PTPRN2: variants seen among roughly 807,000 people sequenced by gnomAD.
The protein encoded by PTPRN2 is protein tyrosine phosphatase receptor type N2.
A neutral mutation model predicts 118.8 loss-of-function variants in PTPRN2; 74 were observed. The ratio of observed to expected loss-of-function variants is 0.62; its 90% CI spans 0.52 to 0.76. The LOEUF is 0.76. Ranked by LOEUF, PTPRN2 falls within the 30% of genes least tolerant of loss-of-function variation. The probability of loss-of-function intolerance (pLI) is 0.00; values close to 1 mark genes in which losing one functional copy is unlikely to be tolerated. For synonymous variants in PTPRN2, 641 were observed against 608.0 expected, an observed-to-expected ratio of 1.05 and a Z score of -0.80; for missense variants, 1,481 against 1,394.4, an observed-to-expected ratio of 1.06 and a Z score of -0.99.
At chr7:158,294,922 T>C (rs1226542811) in intron 3 of PTPRN2, among the ~76,000 whole-genome samples, 2 of 127,904 alleles carry the variant, frequency 1.6e-5, no homozygotes, top group Non-Finnish European at 3.2e-5. Context: ...TGCGCCACTT[T>C]CCACGCGCGT....
chr7:158,449,600 A>T (rs1817965550), intron 2 of PTPRN2, among the ~76,000 whole-genome samples: 1 of 152,256 alleles, frequency 6.6e-6, no homozygotes, highest in Non-Finnish European at 1.5e-5. Flanking sequence ...AACAGGCAGA[A>T]GTGAACCCGT....
At chr7:158,244,245 G>GTAGGAA (rs1204708627) in intron 3 of PTPRN2, among the ~76,000 whole-genome samples, 2 of 47,690 alleles carry the variant, frequency 4.2e-5, no homozygotes, top group African/African-American at 1.1e-4. Flanking sequence ...ACTCAGAAGT[G>GTAGGAA]CAGGAAACTG....
At chr7:157,994,704 G>A (rs576963677) in intron 11 of PTPRN2, among the ~76,000 whole-genome samples, 24 of 105,990 alleles carry the variant, frequency 2.3e-4, no homozygotes, top group Middle Eastern at 6.1e-3. Flanking sequence ...ACAGCTCCTT[G>A]TTCCTAAAAT....
chr7:157,812,947 A>G (rs560837407), intron 12 of PTPRN2, among the ~76,000 whole-genome samples: 2 of 152,116 alleles, frequency 1.3e-5, no homozygotes, highest in Non-Finnish European at 2.9e-5. Flanking sequence ...AGAAGTCCCT[A>G]AGCCAAGTCC....
chr7:158,223,605 A>C (rs747259854), intron 3 of PTPRN2, among the ~76,000 whole-genome samples: 2 of 152,216 alleles, frequency 1.3e-5, no homozygotes, highest in African/African-American at 4.8e-5. Flanking sequence ...CATTTAAAAA[A>C]TTCAACACTC....
At position 158,434,811 on chromosome 7, in the gene PTPRN2, A is replaced by T. The variant is rs549056232; in HGVS notation, c.163+54924T>A. Among the ~76,000 whole-genome samples the T allele has an allele frequency of 1.4e-3, 213 of 151,824 alleles. 3 individuals carry two copies. The highest frequency in any genetic ancestry group is 4.9e-3 in the African/African-American group (201 of 41,350). On this transcript the variant is annotated intron_variant, in intron 2 of 22. Transcript: ENST00000389418. ...CTTGTTAGCTATTCTTTTTGTGGCT[A>T]TTCTAGAAATAATAACACGGGACCT...
chr7:158,536,335 TAAG>T (rs1825642481), intron 1 of PTPRN2, among the ~76,000 whole-genome samples: 1 of 152,062 alleles, frequency 6.6e-6, no homozygotes, highest in African/African-American at 2.4e-5. Flanking sequence ...AAATAAACAA[TAAG>T]AAGTTAAGTA....
In PTPRN2 at chr7:157,974,638, G is replaced by A. The variant is rs1452483425; in HGVS notation, c.1724-75901C>T. Among the ~76,000 whole-genome samples, 3 of 151,888 alleles carry A rather than the reference G, an allele frequency of 2.0e-5. No individual in the cohort carries two copies. The highest frequency in any genetic ancestry group is 4.8e-5 in the African/African-American group (2 of 41,328). ...GGTGATGGCAGTGGGAGCCTGGGCA[G>A]GGGCGGGCAGGGCTCTGTGGTAAGA... is the stretch of plus-strand genomic sequence containing the variant. On this transcript the variant is annotated intron_variant, in intron 11 of 22. Coordinates refer to ENST00000389418, the MANE Select transcript of PTPRN2 (RefSeq NM_002847.5). The surrounding 1 kb of genome is among the most constrained non-coding windows in gnomAD (Gnocchi z 4.0).
chr7:158,390,959 C>T (rs902177761), intron 2 of PTPRN2, among the ~76,000 whole-genome samples: 9 of 152,262 alleles, frequency 5.9e-5, no homozygotes, highest in African/African-American at 2.2e-4. Context: ...CTGTCAGGGC[C>T]CTACAGGAAC....
At chr7:157,736,125 ATC>A (rs778132945) in intron 12 of PTPRN2, among the ~76,000 whole-genome samples, 153 of 152,278 alleles carry the variant, frequency 1.0e-3, no homozygotes, top group Admixed American at 1.9e-3. Context: ...AGCCCCAAGC[ATC>A]TCTGGCTGGG....
chr7:158,301,989 C>T (rs1459438875), intron 3 of PTPRN2, among the ~76,000 whole-genome samples: 1 of 152,148 alleles, frequency 6.6e-6, no homozygotes, highest in African/African-American at 2.4e-5. Flanking sequence ...GGTATGACCT[C>T]CTCCAATCTA....
chr7:158,058,345 G>A (rs34419614), intron 11 of PTPRN2, among the ~76,000 whole-genome samples: 7,100 of 31,908 alleles, frequency 0.22, 278 homozygotes, highest in Middle Eastern at 0.28. Flanking sequence ...CTACAGCCAC[G>A]CTCCATCTGC....
intron 6 of PTPRN2, among the ~76,000 whole-genome samples, chr7:158,140,582 G>A (rs908632847): frequency 1.3e-5 from 2 of 152,150 alleles, no homozygotes; most frequent in African/African-American, 2.4e-5. Flanking sequence ...AGAGAAGCCG[G>A]TCACCAGAGA....
intron 12 of PTPRN2, among the ~76,000 whole-genome samples, chr7:157,739,693 T>C (rs1800510166): frequency 6.6e-6 from 1 of 152,202 alleles, no homozygotes. Flanking sequence ...TGGAATCAAA[T>C]ACCAAATTAT....
intron 2 of PTPRN2, among the ~76,000 whole-genome samples, chr7:158,333,525 C>G (rs11768956): frequency 0.15 from 13,338 of 87,120 alleles, 1 homozygote; most frequent in Non-Finnish European, 0.21. Context: ...CACCATAAGA[C>G]CTGACACTCG....
intron 2 of PTPRN2, among the ~76,000 whole-genome samples, chr7:158,435,782 T>C (rs1183071151): frequency 6.6e-6 from 1 of 152,220 alleles, no homozygotes; most frequent in Admixed American, 6.5e-5. Flanking sequence ...ACAGCATAGA[T>C]GAACCTGGAA....
At chr7:157,670,566 G>A (rs1043819867) in intron 13 of PTPRN2, among the ~76,000 whole-genome samples, 48 of 152,156 alleles carry the variant, frequency 3.2e-4, no homozygotes, top group Non-Finnish European at 5.3e-4. Flanking sequence ...AACCCACGAT[G>A]CCTGCAACCC....
intron 11 of PTPRN2, among the ~76,000 whole-genome samples, chr7:158,012,142 G>A (rs114672341): frequency 1.2e-3 from 176 of 152,312 alleles, no homozygotes; most frequent in African/African-American, 3.7e-3. Context: ...AGAGTCCCAC[G>A]TGTTGGGGGC....
At chr7:158,143,037 G>A (rs1289517103) in intron 6 of PTPRN2, among the ~76,000 whole-genome samples, 1 of 152,150 alleles carries the variant, frequency 6.6e-6, no homozygotes, top group East Asian at 1.9e-4. Context: ...CACGAGCCCA[G>A]AGCAACCTTT....
Sources: gnomAD v4.1 joint callset for allele counts (sites outside exome capture counted in the v4.1 genomes callset) on GRCh38, gnomAD v4.1.1 for gene constraint, Gnocchi (gnomAD v3.1) non-coding constraint, MANE v1.5 for transcripts, NCBI Gene and HGNC (gene_info 2026-07-23, HGNC 2026-07-21) for gene names.